The following HMCN2 variants were observed in gnomAD, a reference collection of about 807,000 sequenced individuals.
HMCN2 encodes hemicentin-2.
In HMCN2, 325 loss-of-function variants were observed where a neutral mutation model predicts 377.5. That is an observed-to-expected ratio of 0.86 (90% CI 0.79 to 0.94). HMCN2 has a LOEUF of 0.94. Among genes scored for constraint, HMCN2 ranks in the 40% least tolerant of loss-of-function variants. The probability of loss-of-function intolerance (pLI) is 0.00; values close to 1 mark genes in which losing one functional copy is unlikely to be tolerated. For synonymous variants in HMCN2, 2,007 were observed against 2,046.8 expected (o/e 0.98, Z 0.53); for missense variants, 4,543 against 4,725.3 (o/e 0.96, Z 1.13).
intron 15 of HMCN2, among the ~76,000 whole-genome samples, chr9:130,317,616 T>C (rs1396153194): frequency 9.3e-5 from 14 of 150,968 alleles, no homozygotes; most frequent in Non-Finnish European, 1.8e-4. Flanking sequence ...TGCTTCAGCC[T>C]CCTGGGTAGC....
intron 86 of HMCN2, among the ~76,000 whole-genome samples, chr9:130,420,224 G>A (rs138243457): frequency 2.0e-5 from 3 of 152,024 alleles, no homozygotes; most frequent in African/African-American, 4.8e-5. Flanking sequence ...ACAGGCACCC[G>A]CCACCATGCC....
chr9:130,366,852 A>G (rs1840717158), intron 43 of HMCN2, among the ~76,000 whole-genome samples: 1 of 152,178 alleles, frequency 6.6e-6, no homozygotes, highest in South Asian at 2.1e-4. Flanking sequence ...CAATGGGGGC[A>G]GTCAGATAAT....
In HMCN2 at chr9:130,375,856, G is replaced by A. The variant is rs1841349257; in HGVS notation, c.7805-20G>A. On this transcript the variant is annotated intron_variant, in intron 50 of 97. Coordinates refer to ENST00000683500, the MANE Select transcript of HMCN2 (RefSeq NM_001291815.2). ...GAGGCTGCAGATTTGGGGTGACCCTGGCCACTGGCCCCCACACAGGTACCC... is the reference window on the plus strand; with the variant it reads ...GAGGCTGCAGATTTGGGGTGACCCTAGCCACTGGCCCCCACACAGGTACCC... 1 of 984,844 alleles carries A rather than the reference G, an allele frequency of 1.0e-6. No homozygotes were observed. Among genetic ancestry groups the A allele is most frequent in the African/African-American group, 1.7e-5 (1 of 57,186 alleles). 61.0% of individuals were successfully genotyped at this position (984,844 alleles called of 1,614,324 possible).
At chr9:130,389,813 G>A (rs1842213456) in intron 62 of HMCN2, among the ~76,000 whole-genome samples, 1 of 152,306 alleles carries the variant, frequency 6.6e-6, no homozygotes, top group East Asian at 1.9e-4. Context: ...GACCTCAGGT[G>A]ATCCACCTGC....
chr9:130,270,867 G>C (rs564052018), intron 1 of HMCN2, among the ~76,000 whole-genome samples: 15 of 148,290 alleles, frequency 1.0e-4, no homozygotes, highest in African/African-American at 3.6e-4. Context: ...CATGAGCCAC[G>C]GTGCCCAGCC....
At chr9:130,380,146 C>T (rs556301905) in intron 54 of HMCN2, among the ~76,000 whole-genome samples, 4 of 152,352 alleles carry the variant, frequency 2.6e-5, no homozygotes, top group African/African-American at 9.6e-5. Context: ...TCCCAACATG[C>T]TGGGATTATA....
chr9:130,406,578 C>T (rs1362589384), intron 82 of HMCN2: 1 of 203,818 alleles, frequency 4.9e-6, no homozygotes, highest in Admixed American at 5.3e-5. Flanking sequence ...GCTGGGTACT[C>T]AATGTTTGCT....
At chr9:130,354,474 A>G (rs1839911370) in intron 31 of HMCN2, among the ~76,000 whole-genome samples, 2 of 151,480 alleles carry the variant, frequency 1.3e-5, no homozygotes, top group African/African-American at 4.9e-5. Context: ...GGCACTGGGG[A>G]TGCAAGTAGG....
intron 53 of HMCN2, among the ~76,000 whole-genome samples, chr9:130,378,175 G>C (rs1028943703): frequency 2.6e-5 from 4 of 151,802 alleles, no homozygotes; most frequent in Admixed American, 6.6e-5. Context: ...GGTTGAAACT[G>C]CCTGTGGGTA....
intron 59 of HMCN2, 81 bp from the exon 60 acceptor site, chr9:130,385,479 C>T (rs1841972208): frequency 9.5e-7 from 1 of 1,055,754 alleles, no homozygotes; most frequent in Admixed American, 2.4e-5. Context: ...TGGTGGGTTT[C>T]CACTGGCATT....
intron 25 of HMCN2, among the ~76,000 whole-genome samples, chr9:130,344,918 GTGT>G (rs1326511737): frequency 1.4e-5 from 2 of 143,228 alleles, no homozygotes. Context: ...TGTGTGTGTG[GTGT>G]TTGGCATGTA....
In HMCN2 at chr9:130,385,688, G is replaced by A. The variant is rs1371859964; in HGVS notation, c.9235G>A (p.Gly3079Arg). Residue 3079 changes from glycine (G) to arginine (R), a missense_variant, in exon 60 of 98, where the codon GGG (glycine) becomes AGG (arginine). Physicochemically the swap from Gly to Arg is moderately radical, Grantham distance 125. Coordinates refer to ENST00000683500, the MANE Select transcript of HMCN2 (RefSeq NM_001291815.2). ...GCCAACTGTGACCTGGTACAAGGAT[G>A]GGCAGCCCCTGGTCCTGGCACAGCG... ...PEPTVTWYKD[G>R]QPLVLAQRTQ... 3.1e-6 allele frequency: 4 copies of A among 1,304,112 alleles called. No homozygotes were observed. The Admixed American group carries it at 9.2e-5, about 30-fold the overall frequency. The allele number at this position is 1,304,112 out of a possible 1,614,324, so 80.8% of individuals were successfully genotyped here.
chr9:130,386,545 G>T, intron 61 of HMCN2, 21 bp downstream of exon 61: 1 of 1,297,918 alleles, frequency 7.7e-7, no homozygotes. Context: ...GACCAGCCTA[G>T]CCAACGTGAC....
intron 23 of HMCN2, among the ~76,000 whole-genome samples, chr9:130,339,149 C>G (rs1838917824): frequency 6.6e-6 from 1 of 152,226 alleles, no homozygotes. Flanking sequence ...GATCGTGCCA[C>G]TGTACTCCAG....
intron 76 of HMCN2, among the ~76,000 whole-genome samples, 193 bp downstream of exon 76, chr9:130,399,825 A>T (rs1842780507): frequency 6.6e-6 from 1 of 152,226 alleles, no homozygotes; most frequent in African/African-American, 2.4e-5. Flanking sequence ...TTCCTGGCAC[A>T]CGGGAGCTCA....
At chr9:130,301,688 G>A (rs966152124) in intron 8 of HMCN2, among the ~76,000 whole-genome samples, 1 of 152,222 alleles carries the variant, frequency 6.6e-6, no homozygotes, top group African/African-American at 2.4e-5. Flanking sequence ...TGATGTCACC[G>A]CCGCCTTCCC....
chr9:130,397,471 C>G (rs984753682), intron 73 of HMCN2, 57 bp from the exon 74 acceptor site: 2 of 1,275,252 alleles, frequency 1.6e-6, no homozygotes, highest in Non-Finnish European at 1.0e-6. Context: ...CTAGAGACAG[C>G]CTTGCTCCAG....
chr9:130,374,461 C>A, intron 48 of HMCN2, 41 bp from the exon 49 acceptor site: 1 of 977,772 alleles, frequency 1.0e-6, no homozygotes, highest in Non-Finnish European at 1.2e-6. Context: ...CTGCCCTAGT[C>A]AAAGCCTGCC....
At position 130,355,867 on chromosome 9, in the gene HMCN2, T is replaced by G; in HGVS notation, c.5255+13T>G. The G allele has an allele frequency of 1.6e-6, 2 of 1,277,836 alleles. No homozygotes were observed. The highest frequency in any genetic ancestry group is 2.1e-6 in the Non-Finnish European group (2 of 966,052). 79.2% of individuals were successfully genotyped at this position (1,277,836 alleles called of 1,614,324 possible). A position where few individuals can be genotyped will look rare whatever the true frequency, so the allele number is the denominator to read the frequency against. The stretch of plus-strand genomic sequence containing the variant: ...TACCCACTATCCAGTGAGTCTGGGG[T>G]GGTGGAGGCCAGGGCTGGGGGTAGG... On this transcript the variant is annotated intron_variant, in intron 33 of 97. Transcript: ENST00000683500.
Sources: gnomAD v4.1 joint callset for allele counts (sites outside exome capture counted in the v4.1 genomes callset) on GRCh38, gnomAD v4.1.1 for gene constraint, MANE v1.5 for transcripts, NCBI Gene and HGNC (gene_info 2026-07-23, HGNC 2026-07-21) for gene names.